The following GMDS variants were observed in gnomAD, a reference collection of about 807,000 sequenced individuals.
GMDS encodes the protein GDP-mannose 4,6-dehydratase.
A neutral mutation model predicts 49.9 loss-of-function variants in GMDS; 20 were observed. The ratio of observed to expected loss-of-function variants is 0.40; its 90% CI spans 0.28 to 0.58. GMDS has a LOEUF of 0.58. Among genes scored for constraint, GMDS ranks in the 20% least tolerant of loss-of-function variants. The pLI is 0.42. For synonymous variants in GMDS, 177 were observed against 178.6 expected, an observed-to-expected ratio of 0.99 and a Z score of 0.07; for missense variants, 362 against 481.4, an observed-to-expected ratio of 0.75 and a Z score of 2.32.
chr6:2,201,861 T>C (rs1479882297), intron 1 of GMDS, among the ~76,000 whole-genome samples: 94 of 132,720 alleles, frequency 7.1e-4, no homozygotes, highest in Non-Finnish European at 1.4e-3. Context: ...CACATGGGCA[T>C]CCGAGATGAA....
intron 7 of GMDS, among the ~76,000 whole-genome samples, chr6:1,864,633 A>C (rs1384630014): frequency 6.6e-6 from 1 of 152,208 alleles, no homozygotes; most frequent in Non-Finnish European, 1.5e-5. Flanking sequence ...CTGGTGATGA[A>C]CTCAGGATAA....
Position 1,766,739 on chromosome 6 carries a change from G to A in GMDS, c.772-24153C>T, listed in dbSNP as rs3800046. On this transcript the variant is annotated intron_variant, in intron 7 of 10. Transcript: ENST00000380815. The surrounding 1 kb of genome is among the most constrained non-coding windows in gnomAD (Gnocchi z 4.5). ...CCAGTCTCACCAGATCTGCTTACACGGAGGAGCTGCACATCGAACATGCTA... is the reference window on the plus strand; with the variant it reads ...CCAGTCTCACCAGATCTGCTTACACAGAGGAGCTGCACATCGAACATGCTA... Among the ~76,000 whole-genome samples the A allele has an allele frequency of 0.49, 74,679 of 151,970 alleles. 19,557 individuals carry two copies. Among genetic ancestry groups the A allele is most frequent in the East Asian group, 0.71 (3,646 of 5,166 alleles).
At chr6:1,691,653 A>G (rs1022645958) in intron 9 of GMDS, among the ~76,000 whole-genome samples, 1 of 152,230 alleles carries the variant, frequency 6.6e-6, no homozygotes, top group African/African-American at 2.4e-5. Context: ...GCAGTTTTAT[A>G]TGGTATAGTT....
intron 4 of GMDS, among the ~76,000 whole-genome samples, chr6:2,044,894 G>A (rs1274974551): frequency 6.6e-6 from 1 of 151,944 alleles, no homozygotes; most frequent in African/African-American, 2.4e-5. Flanking sequence ...GTGTGTGTGT[G>A]TGTGTGTTTT....
At chr6:1,657,012 G>A (rs987758017) in intron 9 of GMDS, among the ~76,000 whole-genome samples, 1 of 152,174 alleles carries the variant, frequency 6.6e-6, no homozygotes. Flanking sequence ...CTCACCCAAG[G>A]CCACTCTGCC....
chr6:1,656,879 C>A (rs1268505274), intron 9 of GMDS, among the ~76,000 whole-genome samples: 1 of 152,078 alleles, frequency 6.6e-6, no homozygotes, highest in Non-Finnish European at 1.5e-5. Context: ...TGGAGAAGTG[C>A]TGAGTGTCCC....
chr6:2,111,758 A>C (rs755807328), intron 4 of GMDS, among the ~76,000 whole-genome samples: 7 of 152,244 alleles, frequency 4.6e-5, no homozygotes, highest in Non-Finnish European at 7.3e-5. Flanking sequence ...ATCTTATGGC[A>C]AACATTACAC....
At chr6:2,173,997 C>A (rs763138411) in intron 1 of GMDS, among the ~76,000 whole-genome samples, 11 of 152,166 alleles carry the variant, frequency 7.2e-5, no homozygotes, top group Non-Finnish European at 1.3e-4. Flanking sequence ...AGTGAGGATT[C>A]CAACCCTCGA....
chr6:2,076,848 T>A (rs988371172), intron 4 of GMDS, among the ~76,000 whole-genome samples: 7 of 152,202 alleles, frequency 4.6e-5, no homozygotes, highest in African/African-American at 1.7e-4. Context: ...GACATACGCA[T>A]GGGCAAGGAC....
chr6:1,665,049 T>G (rs532338880), intron 9 of GMDS, among the ~76,000 whole-genome samples: 1 of 152,354 alleles, frequency 6.6e-6, no homozygotes, highest in African/African-American at 2.4e-5. Context: ...GAAGTGGCAG[T>G]TGGCAGTTTA....
intron 9 of GMDS, among the ~76,000 whole-genome samples, chr6:1,688,773 A>G (rs559424374): frequency 1.3e-5 from 2 of 152,338 alleles, no homozygotes; most frequent in East Asian, 1.9e-4. Flanking sequence ...CTTGTGAGGT[A>G]TATGCAGATT....
At chr6:1,790,888 A>T (rs1434089510) in intron 7 of GMDS, among the ~76,000 whole-genome samples, 3 of 152,138 alleles carry the variant, frequency 2.0e-5, no homozygotes, top group Non-Finnish European at 4.4e-5. Context: ...TGACTATGTT[A>T]CCTCACATGG....
intron 1 of GMDS, among the ~76,000 whole-genome samples, chr6:2,145,116 G>A (rs1195356026): frequency 6.6e-6 from 1 of 152,230 alleles, no homozygotes; most frequent in East Asian, 1.9e-4. Context: ...TTTCAATTAG[G>A]TGTATGATAA....
intron 1 of GMDS, among the ~76,000 whole-genome samples, chr6:2,198,999 A>G (rs759148607): frequency 2.6e-5 from 4 of 152,224 alleles, no homozygotes; most frequent in Non-Finnish European, 2.9e-5. Flanking sequence ...TTGCTAACCT[A>G]AAGAGAACAT....
intron 1 of GMDS, among the ~76,000 whole-genome samples, chr6:2,182,789 T>C (rs904238246): frequency 1.3e-5 from 2 of 152,180 alleles, no homozygotes; most frequent in African/African-American, 2.4e-5. Flanking sequence ...CACTGCATCC[T>C]CTACCTCGCG....
chr6:1,764,966 C>T (rs1768292592), intron 7 of GMDS, among the ~76,000 whole-genome samples: 3 of 152,026 alleles, frequency 2.0e-5, no homozygotes, highest in Admixed American at 2.0e-4. Flanking sequence ...GAGTAGGGAG[C>T]TTCATGAATT....
rs575414616 is a variant in GMDS, at chr6:1,731,374, C to T, written c.891-4862G>A. Among the ~76,000 whole-genome samples, 12 of 152,268 alleles carry T rather than the reference C, an allele frequency of 7.9e-5. No individual in the cohort carries two copies. In the South Asian group the frequency reaches 1.2e-3, roughly 16 times the overall value. ...CAGAGAGGCACATGCATTTCCACAC[C>T]AAAAGGGTGTCCTCCAATAACGAAT... On this transcript the variant is annotated intron_variant, in intron 8 of 10. Transcript: ENST00000380815.
chr6:2,115,795 G>A lies in GMDS; in HGVS notation c.321C>T (p.Asn107=). 6.3e-7 allele frequency: 1 copy of A among 1,598,186 alleles called. No individual in the cohort carries two copies. Among genetic ancestry groups the A allele is most frequent in the Non-Finnish European group, 8.6e-7 (1 of 1,165,724 alleles). The change falls in exon 4 of 11, where the codon AAC becomes AAT. Residue 107 remains asparagine (N), a synonymous_variant. Transcript: ENST00000380815. ...CTTTGACGTGGCTCTGGGCTCCAAG[G>A]TTGTAGATCTCTGTGGGCTTTACTT... ...INEVKPTEIY[N]LGAQSHVKIS...
intron 4 of GMDS, among the ~76,000 whole-genome samples, chr6:1,961,193 C>T (rs886871827): frequency 1.3e-5 from 2 of 152,108 alleles, no homozygotes; most frequent in Non-Finnish European, 2.9e-5. Flanking sequence ...ACACTTTAAC[C>T]GCCCTTCTAC....
Sources: gnomAD v4.1 joint callset for allele counts (sites outside exome capture counted in the v4.1 genomes callset) on GRCh38, gnomAD v4.1.1 for gene constraint, Gnocchi (gnomAD v3.1) non-coding constraint, MANE v1.5 for transcripts, NCBI Gene and HGNC (gene_info 2026-07-23, HGNC 2026-07-21) for gene names.